The following TRPM4 variants were observed in gnomAD, a reference collection of about 807,000 sequenced individuals.
TRPM4 encodes the protein calcium-activated non-selective cation channel 1.
In TRPM4, 124 loss-of-function variants were observed where a neutral mutation model predicts 135.6. The observed-to-expected ratio is 0.91, with a 90% CI of 0.79 to 1.06. The LOEUF (loss-of-function observed/expected upper bound fraction) is 1.06, where lower values mean the gene tolerates loss of function less well. Among genes scored for constraint, TRPM4 ranks in the 50% least tolerant of loss-of-function variants. The pLI, the probability that TRPM4 is intolerant of heterozygous loss-of-function variation, is 0.00. For missense variants in TRPM4, 1,658 were observed against 1,671.4 expected, an observed-to-expected ratio of 0.99 and a Z score of 0.14; for synonymous variants, 745 against 705.6, an observed-to-expected ratio of 1.06 and a Z score of -0.88.
chr19:49,201,884 A>T, intron 19 of TRPM4, 80 bp from the exon 20 acceptor site: 1 of 1,492,522 alleles, frequency 6.7e-7, no homozygotes, highest in Non-Finnish European at 9.3e-7. Flanking sequence ...TACAGGCGTG[A>T]GCCACCGCGC....
chr19:49,210,443 G>C lies in TRPM4; in HGVS notation c.3328+38G>C, dbSNP rs1233284941. On this transcript the variant is annotated intron_variant, in intron 21 of 24. Coordinates refer to ENST00000252826, the MANE Select transcript of TRPM4 (RefSeq NM_017636.4). This position sits in a 1 kb window ranked among gnomAD's most constrained non-coding sequence, Gnocchi z 4.1. Reference sequence around the variant, plus strand: ...CTTGGCTTAAAAAGGAGAAATATAGGGGACCGGGAGCCTGGAAGGCGAGGG... The same window carrying C: ...CTTGGCTTAAAAAGGAGAAATATAGCGGACCGGGAGCCTGGAAGGCGAGGG... 1.2e-6 allele frequency: 2 copies of C among 1,603,678 alleles called. No individual in the cohort carries two copies. The highest frequency in any genetic ancestry group is 4.5e-5 in the East Asian group (2 of 44,842).
At chr19:49,193,080 G>GGTTTTTTTTTTTTTTTTTTT (rs544387196) in intron 16 of TRPM4, among the ~76,000 whole-genome samples, 1 of 132,800 alleles carries the variant, frequency 7.5e-6, no homozygotes. Flanking sequence ...AAATCAGTTG[G>GGTTTTTTTTTTTTTTTTTTT]TTTTTTTTTT....
Position 49,171,715 on chromosome 19 carries a change from A to G in TRPM4, c.996A>G (p.Arg332=), listed in dbSNP as rs201932657. ...GSGGARQGEA[R]DRIRRFFPKG... Reference sequence around the variant, plus strand: ...GGGGAGCCAGGCAAGGCGAAGCCCGAGATCGAATCAGGCGTTTCTTTCCCA... The same window carrying G: ...GGGGAGCCAGGCAAGGCGAAGCCCGGGATCGAATCAGGCGTTTCTTTCCCA... The change falls in exon 8 of 25, where the codon CGA becomes CGG. Residue 332 remains arginine, a synonymous_variant. Coordinates refer to ENST00000252826, the MANE Select transcript of TRPM4 (RefSeq NM_017636.4). This position sits in a 1 kb window ranked among gnomAD's most constrained non-coding sequence, Gnocchi z 4.7. 3.1e-6 allele frequency: 5 copies of G among 1,613,600 alleles called. No homozygotes were observed. In the East Asian group the frequency reaches 1.1e-4, roughly 36 times the overall value.
intron 15 of TRPM4, 62 bp downstream of exon 15, chr19:49,190,382 C>T: frequency 7.2e-7 from 1 of 1,397,666 alleles, no homozygotes; most frequent in South Asian, 1.2e-5. Flanking sequence ...CTCCTTCCTG[C>T]CCCCTCTGCC....
chr19:49,168,228 C>G (rs1304286720), intron 4 of TRPM4, 32 bp from the exon 5 acceptor site: 2 of 1,613,922 alleles, frequency 1.2e-6, no homozygotes, highest in Non-Finnish European at 1.7e-6. Flanking sequence ...TTCTCTCCCC[C>G]TGCCTCTGCA....
chr19:49,169,838 G>A (rs1164922305), intron 6 of TRPM4, among the ~76,000 whole-genome samples: 5 of 151,770 alleles, frequency 3.3e-5, no homozygotes, highest in African/African-American at 7.3e-5. Flanking sequence ...GATTACGGTC[G>A]TGAGCCACTG....
chr19:49,189,170 G>T, intron 14 of TRPM4, 79 bp downstream of exon 14: 1 of 1,594,014 alleles, frequency 6.3e-7, no homozygotes. Flanking sequence ...CCTGCCATTG[G>T]GAACATCTAT....
At chr19:49,158,589 TTCATTCA>T (rs1568450660) in intron 2 of TRPM4, 35 of 113,530 alleles carry the variant, frequency 3.1e-4, no homozygotes, top group Admixed American at 9.0e-4. Flanking sequence ...TTCTGTTTCA[TTCATTCA>T]TTCATTCATT....
chr19:49,179,261 G>A (rs571474056), intron 9 of TRPM4, among the ~76,000 whole-genome samples: 1 of 150,578 alleles, frequency 6.6e-6, no homozygotes, highest in South Asian at 2.1e-4. Flanking sequence ...CTCCATGTTG[G>A]TCAGGCTGGT....
intron 17 of TRPM4, among the ~76,000 whole-genome samples, chr19:49,197,337 T>C (rs1968713036): frequency 7.7e-6 from 1 of 130,680 alleles, no homozygotes; most frequent in African/African-American, 4.1e-5. Flanking sequence ...TCTTTCTTTC[T>C]TTCTTTCTTT....
chr19:49,189,214 CA>C (rs1190930803), intron 14 of TRPM4, 123 bp downstream of exon 14: 1 of 1,403,016 alleles, frequency 7.1e-7, no homozygotes, highest in African/African-American at 1.4e-5. Flanking sequence ...GGAGATCCCC[CA>C]GAAAGTCTCT....
intron 13 of TRPM4, 39 bp downstream of exon 13, chr19:49,188,809 T>C (rs753528944): frequency 1.2e-6 from 2 of 1,613,100 alleles, no homozygotes; most frequent in Non-Finnish European, 8.5e-7. Flanking sequence ...GGACGGGGGC[T>C]GCCGCCAGAG....
chr19:49,172,026 C>A lies in TRPM4; in HGVS notation c.1068C>A (p.Thr356=). Residue 356 remains threonine (T), a synonymous_variant, in exon 9 of 25, where the codon ACC becomes ACA. Transcript: ENST00000252826. ...TTCCACAGGTGGAGAGGATTATGACCCGGAAGGAGCTCCTGACAGTCTATT... is the reference window on the plus strand; with the variant it reads ...TTCCACAGGTGGAGAGGATTATGACACGGAAGGAGCTCCTGACAGTCTATT... ...VLQAQVERIM[T]RKELLTVYSS... 1 of 1,613,928 alleles carries A rather than the reference C, an allele frequency of 6.2e-7. No individual in the cohort carries two copies. Among genetic ancestry groups the A allele is most frequent in the Non-Finnish European group, 8.5e-7 (1 of 1,179,890 alleles).
In TRPM4 at chr19:49,167,922, C is replaced by G. The variant is rs1474607085; in HGVS notation, c.273C>G (p.Leu91=). The change falls in exon 4 of 25, where the codon CTC becomes CTG. Residue 91 remains leucine, a synonymous_variant. Transcript: ENST00000252826. ...CCGCTCCCATGTGTCCACAGTTCCT[C>G]CGGCTCTCTGACCGAACGGATCCAG... ...TGAGRKHSNF[L]RLSDRTDPAA... 6.2e-7 allele frequency: 1 copy of G among 1,614,092 alleles called. No individual in the cohort carries two copies. The highest frequency in any genetic ancestry group is 1.7e-5 in the Admixed American group (1 of 60,026).
chr19:49,179,087 G>A (rs754421323), intron 9 of TRPM4, among the ~76,000 whole-genome samples: 22 of 149,872 alleles, frequency 1.5e-4, no homozygotes, highest in African/African-American at 4.4e-4. Context: ...ACAGAGTTTC[G>A]CTCTGTTGCC....
At chr19:49,179,411 C>T (rs939515979) in intron 9 of TRPM4, among the ~76,000 whole-genome samples, 5 of 151,744 alleles carry the variant, frequency 3.3e-5, no homozygotes, top group Admixed American at 2.6e-4. Context: ...AATGCAGTGA[C>T]GTGATCTCGG....
chr19:49,200,617 G>A lies in TRPM4; in HGVS notation c.2785G>A (p.Asp929Asn), dbSNP rs1555762844. 1 of 1,613,004 alleles carries A rather than the reference G, an allele frequency of 6.2e-7. No homozygotes were observed. Among genetic ancestry groups the A allele is most frequent in the Non-Finnish European group, 8.5e-7 (1 of 1,180,016 alleles). ...CAGCCACATCTCCCCACAGATGAAG[G>A]ACGTGTTCTTCTTCCTCTTCTTCCT... ...KIVIVSKMMK[D>N]VFFFLFFLGV... Residue 929 changes from aspartate to asparagine, a missense_variant, in exon 19 of 25, where the codon GAC becomes AAC. By Grantham distance (23) the Asp-to-Asn change is conservative. This residue lies in a region of TRPM4 where 1,412 missense variants were observed against 1,408.7 expected (regional missense o/e 1.00). Transcript: ENST00000252826.
In TRPM4 at chr19:49,200,309, G is replaced by A. The variant is rs775541627; in HGVS notation, c.2655G>A (p.Pro885=). The A allele has an allele frequency of 6.2e-7, 1 of 1,614,104 alleles. No individual in the cohort carries two copies. The highest frequency in any genetic ancestry group is 1.1e-5 in the South Asian group (1 of 91,074). ...FLLGVGCRLT[P]GLYHLGRTVL... ...TCTCCCCACACCCCAGGCTGACCCC[G>A]GGTTTGTACCACCTGGGCCGCACTG... is the stretch of plus-strand genomic sequence containing the variant. Residue 885 remains proline (P), a synonymous_variant, in exon 18 of 25, where the codon CCG becomes CCA. Coordinates refer to ENST00000252826, the MANE Select transcript of TRPM4 (RefSeq NM_017636.4).
intron 19 of TRPM4, among the ~76,000 whole-genome samples, chr19:49,201,013 T>C (rs1600517102): frequency 6.7e-6 from 1 of 149,554 alleles, no homozygotes. Flanking sequence ...TTTTTTTTTC[T>C]TTTTTTTTGA....
Sources: allele counts gnomAD v4.1 joint callset (sites outside exome capture counted in the v4.1 genomes callset), GRCh38; gene constraint gnomAD v4.1.1; regional missense constraint gnomAD v4.1.1; non-coding constraint Gnocchi (gnomAD v3.1); transcripts MANE v1.5; gene names NCBI Gene and HGNC (gene_info 2026-07-23, HGNC 2026-07-21).